Variants in OCA2 observed in about 807,000 individuals in gnomAD.
OCA2 encodes the protein OCA2 melanosomal transmembrane protein.
Under a neutral mutation model 100.2 loss-of-function variants are expected in OCA2, and 77 were observed. The observed-to-expected ratio is 0.77, with a 90% CI of 0.64 to 0.93. The LOEUF is 0.93. Among genes scored for constraint, OCA2 ranks in the 40% least tolerant of loss-of-function variants. The pLI, the probability that OCA2 is intolerant of heterozygous loss-of-function variation, is 0.00. For missense variants in OCA2, 1,062 were observed against 1,089.1 expected (o/e 0.98, Z 0.35); for synonymous variants, 432 against 439.2 (o/e 0.98, Z 0.21).
intron 19 of OCA2, among the ~76,000 whole-genome samples, chr15:27,901,000 C>T (rs1024548086): frequency 2.6e-5 from 4 of 152,166 alleles, no homozygotes; most frequent in Non-Finnish European, 4.4e-5. Context: ...CTCTGGAAGC[C>T]GGGGCTATAG....
intron 21 of OCA2, among the ~76,000 whole-genome samples, chr15:27,862,220 G>GTCGTCAGCCTCGAGTCCTC (rs2036161493): frequency 7.4e-5 from 4 of 53,992 alleles, no homozygotes; most frequent in East Asian, 2.2e-3. Flanking sequence ...AGTCCTCACG[G>GTCGTCAGCCTCGAGTCCTC]ACAGAAAGCA....
chr15:28,022,320 G>A (rs1566809160), intron 6 of OCA2, among the ~76,000 whole-genome samples, 181 bp downstream of exon 6: 1 of 152,206 alleles, frequency 6.6e-6, no homozygotes, highest in Non-Finnish European at 1.5e-5. Flanking sequence ...CTGTCTCCCT[G>A]GAGCTCCCCG....
chr15:28,077,461 A>G (rs1318281247), intron 2 of OCA2, among the ~76,000 whole-genome samples: 1 of 152,202 alleles, frequency 6.6e-6, no homozygotes, highest in African/African-American at 2.4e-5. Flanking sequence ...TTGTATGGAC[A>G]AGACGTATTC....
rs1036704448 is a variant in OCA2 at position 27,913,474 on chromosome 15, G to C, written c.2079+12653C>G. ...AATTATTATAATCCAAAAATGTCTTGCTTGCTCTCATTCATGATAAACTAT... is the reference window on the plus strand; with the variant it reads ...AATTATTATAATCCAAAAATGTCTTCCTTGCTCTCATTCATGATAAACTAT... On this transcript the variant is annotated intron_variant, in intron 19 of 23. Coordinates refer to ENST00000354638, the MANE Select transcript of OCA2 (RefSeq NM_000275.3). Among the ~76,000 whole-genome samples, 7 of 151,890 alleles carry C rather than the reference G, an allele frequency of 4.6e-5. No individual in the cohort carries two copies. The South Asian group carries it at 1.5e-3, about 32-fold the overall frequency.
rs191172046 is a variant in OCA2, at chr15:27,879,870, T to A, written c.2080-7948A>T. On this transcript the variant is annotated intron_variant, in intron 19 of 23. Transcript: ENST00000354638. ...CTTTAGTTTAATTAGATCCCATTCG[T>A]CAATTTTTGCTTTTGTTGCAATTGC... 2.7e-3 allele frequency among the ~76,000 whole-genome samples: 410 copies of A among 152,326 alleles called. 2 individuals carry two copies. The highest frequency in any genetic ancestry group is 9.5e-3 in the African/African-American group (396 of 41,568).
At chr15:27,726,300 A>AAAATAAATGAAT in the OCA2 span, among the ~76,000 whole-genome samples, 4 of 146,434 alleles carry the variant, frequency 2.7e-5, no homozygotes, top group Non-Finnish European at 4.5e-5. Flanking sequence ...TCCAGCTCAA[A>AAAATAAATGAAT]AAATAAATAA....
In OCA2 at chr15:27,767,310, G is replaced by A. The variant is rs185360719; in HGVS notation, c.2433-11838C>T. ...ACTACAACTGCAGGGCACCTTCTTT[G>A]CCCCTATCCAGCAGGAAGTCCCAAT... On this transcript the variant is annotated intron_variant, in intron 23 of 23. Coordinates refer to ENST00000354638, the MANE Select transcript of OCA2 (RefSeq NM_000275.3). 3.0e-3 allele frequency among the ~76,000 whole-genome samples: 451 copies of A among 152,284 alleles called. 3 individuals carry two copies. Among genetic ancestry groups the A allele is most frequent in the African/African-American group, 0.01 (431 of 41,544 alleles).
intron 17 of OCA2, among the ~76,000 whole-genome samples, chr15:27,952,230 G>A (rs1425963046): frequency 1.3e-5 from 2 of 152,232 alleles, no homozygotes; most frequent in Admixed American, 6.5e-5. Flanking sequence ...CCAAGCATGC[G>A]GGTGGGGCCA....
intron 23 of OCA2, among the ~76,000 whole-genome samples, chr15:27,836,648 G>C (rs1595491462): frequency 6.6e-6 from 1 of 152,156 alleles, no homozygotes; most frequent in South Asian, 2.1e-4. Flanking sequence ...TTTGACCTTT[G>C]AGAAAATATG....
downstream of OCA2, among the ~76,000 whole-genome samples, chr15:27,750,710 T>G (rs1479294617): frequency 6.6e-6 from 1 of 152,208 alleles, no homozygotes; most frequent in African/African-American, 2.4e-5. Context: ...GTGGGAATAA[T>G]GGGATTCCAA....
intron 10 of OCA2, 99 bp from the exon 11 acceptor site, chr15:27,989,765 G>T: frequency 9.3e-7 from 1 of 1,073,058 alleles, no homozygotes; most frequent in Non-Finnish European, 1.4e-6. Context: ...CACTCAGTGG[G>T]CGGGCCAGGG....
chr15:28,007,380 G>C (rs1367109944), intron 9 of OCA2, among the ~76,000 whole-genome samples: 3 of 152,226 alleles, frequency 2.0e-5, no homozygotes. Context: ...GATGCAAAGT[G>C]CAAGAGTTAG....
chr15:27,978,910 C>T (rs1013328692), intron 14 of OCA2, among the ~76,000 whole-genome samples: 11 of 152,174 alleles, frequency 7.2e-5, no homozygotes, highest in Admixed American at 3.3e-4. Flanking sequence ...TGGTCTTGAA[C>T]TCTTGATCTT....
intron 6 of OCA2, 43 bp from the exon 7 acceptor site, chr15:28,018,600 C>A (rs763740536): frequency 2.7e-5 from 43 of 1,590,068 alleles, no homozygotes; most frequent in Admixed American, 1.9e-4. Flanking sequence ...ACAGGAGAAA[C>A]CCCATGTCCC....
At chr15:27,981,942 G>A (rs2041176090) in intron 14 of OCA2, among the ~76,000 whole-genome samples, 1 of 152,216 alleles carries the variant, frequency 6.6e-6, no homozygotes, top group South Asian at 2.1e-4. Context: ...GAGGTAGTGA[G>A]CTGGAGCAGT....
At chr15:27,795,217 C>T (rs1192980039) in intron 23 of OCA2, among the ~76,000 whole-genome samples, 3 of 152,192 alleles carry the variant, frequency 2.0e-5, no homozygotes, top group African/African-American at 7.2e-5. Context: ...TGCTCCAACC[C>T]GTACTGAACC....
intron 19 of OCA2, among the ~76,000 whole-genome samples, chr15:27,888,790 T>A (rs145036698): frequency 1.3e-5 from 2 of 152,322 alleles, no homozygotes; most frequent in African/African-American, 4.8e-5. Context: ...ACTATATGTA[T>A]ATGTGTGTGT....
At chr15:27,879,548 C>T (rs1447613900) in intron 19 of OCA2, among the ~76,000 whole-genome samples, 2 of 152,076 alleles carry the variant, frequency 1.3e-5, no homozygotes, top group African/African-American at 4.8e-5. Context: ...AATTGCCATT[C>T]TGACTGATGT....
intron 21 of OCA2, among the ~76,000 whole-genome samples, chr15:27,869,470 G>T (rs2036457581): frequency 6.6e-6 from 1 of 152,258 alleles, no homozygotes; most frequent in Admixed American, 6.5e-5. Context: ...GATATTTGTT[G>T]TACTATTGTC....
Sources: gnomAD v4.1 joint callset for allele counts (sites outside exome capture counted in the v4.1 genomes callset) on GRCh38, gnomAD v4.1.1 for gene constraint, MANE v1.5 for transcripts, NCBI Gene and HGNC (gene_info 2026-07-23, HGNC 2026-07-21) for gene names.